Variants in SHISAL2A observed in about 807,000 individuals in gnomAD.
SHISAL2A encodes protein shisa-like-2A.
A neutral mutation model predicts 11.5 loss-of-function variants in SHISAL2A; 18 were observed. That is an observed-to-expected ratio of 1.57 (90% CI 1.08 to 2.33). SHISAL2A has a LOEUF of 2.33. Among genes scored for constraint, SHISAL2A ranks in the 30% most tolerant of loss-of-function variants. The pLI, the probability that SHISAL2A is intolerant of heterozygous loss-of-function variation, is 0.00. For missense variants in SHISAL2A, 261 were observed against 250.9 expected, an observed-to-expected ratio of 1.04 and a Z score of -0.27; for synonymous variants, 94 against 99.6, an observed-to-expected ratio of 0.94 and a Z score of 0.34.
At chr1:52,662,079 T>C (rs1180831610) in intron 4 of SHISAL2A, among the ~76,000 whole-genome samples, 1 of 151,486 alleles carries the variant, frequency 6.6e-6, no homozygotes, top group Non-Finnish European at 1.5e-5. Context: ...CCTTCAGGCC[T>C]TACTTACTAG....
At chr1:52,652,882 C>T (rs889316754) in intron 2 of SHISAL2A, among the ~76,000 whole-genome samples, 2 of 133,390 alleles carry the variant, frequency 1.5e-5, no homozygotes, top group African/African-American at 5.7e-5. Flanking sequence ...AGGAGAATGG[C>T]ATGAACCCTG....
intron 1 of SHISAL2A, among the ~76,000 whole-genome samples, chr1:52,637,069 A>T (rs1017430927): frequency 6.6e-6 from 1 of 152,116 alleles, no homozygotes; most frequent in Non-Finnish European, 1.5e-5. Context: ...CTGACGTGGC[A>T]TGCTTTAGTG....
At chr1:52,659,450 C>T, downstream of SHISAL2A, 1 of 153,226 alleles carries the variant, frequency 6.5e-6, no homozygotes. Context: ...TTCTCACCCT[C>T]AAGGGGCTCA....
At chr1:52,637,657 G>A (rs1691267642) in intron 1 of SHISAL2A, among the ~76,000 whole-genome samples, 2 of 152,174 alleles carry the variant, frequency 1.3e-5, no homozygotes, top group African/African-American at 4.8e-5. Flanking sequence ...CGTGTCTACA[G>A]CACCTCATTT....
At chr1:52,665,957 G>C (rs560062174) in intron 4 of SHISAL2A, among the ~76,000 whole-genome samples, 1 of 152,304 alleles carries the variant, frequency 6.6e-6, no homozygotes, top group Admixed American at 6.5e-5. Flanking sequence ...CATGACCAGA[G>C]CACCGGCCCT....
intron 1 of SHISAL2A, among the ~76,000 whole-genome samples, chr1:52,635,624 G>A (rs555954338): frequency 5.5e-4 from 83 of 152,102 alleles, no homozygotes; most frequent in African/African-American, 1.9e-3. Context: ...CCAGTTTTAG[G>A]TTTTACAACT....
intron 2 of SHISAL2A, among the ~76,000 whole-genome samples, chr1:52,648,558 A>C (rs1366157076): frequency 1.3e-5 from 2 of 152,056 alleles, no homozygotes; most frequent in Non-Finnish European, 2.9e-5. Flanking sequence ...CATCCCTACA[A>C]TGTGCCAGAC....
At chr1:52,654,258 T>TAGATAGATAGATAGACAGATAGAC (rs1305001656) in intron 2 of SHISAL2A, among the ~76,000 whole-genome samples, 1 of 151,024 alleles carries the variant, frequency 6.6e-6, no homozygotes, top group African/African-American at 2.4e-5. Context: ...GATAGATAGA[T>TAGATAGATAGATAGACAGATAGAC]AGACAGATAG....
Position 52,633,554 on chromosome 1 carries a change from T to C in SHISAL2A, c.61T>C (p.Cys21Arg). 1 of 1,610,184 alleles carries C rather than the reference T, an allele frequency of 6.2e-7. No homozygotes were observed. Among genetic ancestry groups the C allele is most frequent in the Non-Finnish European group, 8.5e-7 (1 of 1,178,506 alleles). ...GCAGGAGGTGGTGCGCGGCTTCAGC[T>C]GCCCGCGGCCGGGGGGCGAGGCGGC... ...AEQEVVRGFS[C>R]PRPGGEAAAV... The change falls in exon 1 of 3, where the codon TGC becomes CGC. Residue 21 changes from cysteine (C) to arginine (R), a missense_variant. By Grantham distance (180) the Cys-to-Arg change is radical. Transcript: ENST00000517870. The surrounding 1 kb of genome is among the most constrained non-coding windows in gnomAD (Gnocchi z 6.4).
chr1:52,654,513 A>G (rs1229914942), intron 2 of SHISAL2A, among the ~76,000 whole-genome samples: 9 of 152,234 alleles, frequency 5.9e-5, no homozygotes, highest in African/African-American at 1.4e-4. Flanking sequence ...GTTGTCCAAC[A>G]GATTTTTGAT....
chr1:52,656,787 C>T lies in SHISAL2A; in HGVS notation c.323-3C>T. ...CACACACCCTCAGTTTGCTGTTTTC[C>T]AGGCCCTGAGGAGGTTTCTCCTGAC... On this transcript the variant is annotated splice_region_variant and splice_polypyrimidine_tract_variant and intron_variant, in intron 2 of 2. Transcript: ENST00000517870. 3 of 1,598,990 alleles carry T rather than the reference C, an allele frequency of 1.9e-6. No individual in the cohort carries two copies. Among genetic ancestry groups the T allele is most frequent in the Non-Finnish European group, 2.6e-6 (3 of 1,170,888 alleles).
At chr1:52,669,198 A>G (rs1692066298) in exon 6 of SHISAL2A, 1 of 144,162 alleles carries the variant, frequency 6.9e-6, no homozygotes, top group Admixed American at 7.1e-5. Context: ...CTGGTCTTGA[A>G]CTTCTGAGCT....
intron 1 of SHISAL2A, among the ~76,000 whole-genome samples, chr1:52,637,697 A>G (rs1691268270): frequency 6.6e-6 from 1 of 152,178 alleles, no homozygotes; most frequent in Non-Finnish European, 1.5e-5. Flanking sequence ...TGAGATAGAA[A>G]CCTTTATAAA....
At chr1:52,665,743 C>T (rs75937151) in intron 4 of SHISAL2A, among the ~76,000 whole-genome samples, 2,175 of 152,264 alleles carry the variant, frequency 0.014, 26 homozygotes, top group Middle Eastern at 0.041. Context: ...CCATCCCCCC[C>T]CACTTCCCTG....
downstream of SHISAL2A, among the ~76,000 whole-genome samples, chr1:52,661,879 A>C (rs1054999465): frequency 3.3e-5 from 5 of 152,046 alleles, no homozygotes; most frequent in African/African-American, 1.2e-4. Context: ...TAAAAATACA[A>C]AAAATTAGCC....
Position 52,656,868 on chromosome 1 carries a change from A to G in SHISAL2A, c.401A>G (p.Gln134Arg). ...AAEVPKVSPL[Q>R]QSYSCLNPQL... ...GAAGTGCCAAAAGTGAGCCCTCTCC[A>G]GCAGAGTTACTCCTGCTTGAACCCG... is the stretch of plus-strand genomic sequence containing the variant. The change falls in exon 3 of 3, where the codon CAG (glutamine) becomes CGG (arginine). Residue 134 changes from glutamine (Q) to arginine (R), a missense_variant. Transcript: ENST00000517870. 2.5e-6 allele frequency: 4 copies of G among 1,614,196 alleles called. No homozygotes were observed. The highest frequency in any genetic ancestry group is 2.2e-5 in the East Asian group (1 of 44,880).
intron 2 of SHISAL2A, among the ~76,000 whole-genome samples, chr1:52,649,344 C>T (rs1691573804): frequency 6.6e-6 from 1 of 152,178 alleles, no homozygotes; most frequent in Admixed American, 6.5e-5. Flanking sequence ...TCCACATAGC[C>T]AGTGAGCATG....
intron 2 of SHISAL2A, among the ~76,000 whole-genome samples, chr1:52,648,928 C>T (rs1571690560): frequency 6.6e-6 from 1 of 152,242 alleles, no homozygotes; most frequent in East Asian, 1.9e-4. Flanking sequence ...CTGCTTTTCA[C>T]TGCTCAGCCA....
chr1:52,644,002 T>C (rs899964077), intron 2 of SHISAL2A, among the ~76,000 whole-genome samples: 5 of 152,184 alleles, frequency 3.3e-5, no homozygotes, highest in African/African-American at 1.2e-4. Flanking sequence ...TATAGTTTGG[T>C]AGCCAATGCT....
Sources: gnomAD v4.1 joint callset for allele counts (sites outside exome capture counted in the v4.1 genomes callset) on GRCh38, gnomAD v4.1.1 for gene constraint, Gnocchi (gnomAD v3.1) non-coding constraint, MANE v1.5 for transcripts, NCBI Gene and HGNC (gene_info 2026-07-23, HGNC 2026-07-21) for gene names.